The following COPS2 variants were observed in gnomAD, a reference collection of about 807,000 sequenced individuals.
COPS2 encodes COP9 signalosome subunit 2.
Under a neutral mutation model 66.1 loss-of-function variants are expected in COPS2, and 10 were observed. The observed-to-expected ratio is 0.15, with a 90% CI of 0.09 to 0.26. The LOEUF (loss-of-function observed/expected upper bound fraction) is 0.26. Among genes scored for constraint, COPS2 ranks in the 10% least tolerant of loss-of-function variants. COPS2 has a pLI of 1.00. For synonymous variants in COPS2, 179 were observed against 171.3 expected (o/e 1.04, Z -0.35); for missense variants, 215 against 513.3 (o/e 0.42, Z 5.62).
At position 49,126,899 on chromosome 15, in the gene COPS2, T is replaced by C. The variant is rs2084171202; in HGVS notation, c.*1051A>G. The stretch of plus-strand genomic sequence containing the variant: ...ATGTATAATCATAAAGTTTAGTGTG[T>C]GTGACAAATTAACTTTGAATGCAAT... On this transcript the variant is annotated 3_prime_UTR_variant, in exon 13 of 13. Transcript: ENST00000388901. The C allele has an allele frequency of 6.6e-6, 1 of 152,160 alleles. No individual in the cohort carries two copies. Among genetic ancestry groups the C allele is most frequent in the South Asian group, 2.1e-4 (1 of 4,830 alleles). The allele number at this position is 152,160 out of a possible 1,614,324, so 9.4% of individuals were successfully genotyped here.
rs755900262 is a variant in COPS2 at position 49,128,709 on chromosome 15, A to G, written c.1180T>C (p.Leu394=). 1 of 1,604,972 alleles carries G rather than the reference A, an allele frequency of 6.2e-7. No homozygotes were observed. Among genetic ancestry groups the G allele is most frequent in the Non-Finnish European group, 8.5e-7 (1 of 1,173,626 alleles). ...DVESLLVQCI[L]DNTIHGRIDQ... ...AAATAGTAAAGTACTTACTTATCCA[A>G]TATGCACTGCACCAGCAAGCTCTCC... The change falls in exon 12 of 13, where the codon TTG becomes CTG. Residue 394 remains leucine, a synonymous_variant. Transcript: ENST00000388901.
At chr15:49,133,898 A>C (rs557819965) in intron 8 of COPS2, 32 bp downstream of exon 8, 26 of 1,568,122 alleles carry the variant, frequency 1.7e-5, no homozygotes, top group Non-Finnish European at 2.2e-5. Flanking sequence ...CAGATAGCTG[A>C]TAAGAGAAAT....
At chr15:49,136,249 C>T (rs2084250721) in intron 6 of COPS2, among the ~76,000 whole-genome samples, 1 of 151,898 alleles carries the variant, frequency 6.6e-6, no homozygotes, top group South Asian at 2.1e-4. Flanking sequence ...ATATTTAAAG[C>T]AGTATTTCCA....
chr15:49,149,583 G>T (rs2084344689), intron 1 of COPS2, among the ~76,000 whole-genome samples: 1 of 152,272 alleles, frequency 6.6e-6, no homozygotes, highest in Admixed American at 6.5e-5. Flanking sequence ...TGAGTGTTTG[G>T]TGAGTTAAAA....
chr15:49,131,273 T>G (rs978384599), intron 9 of COPS2, among the ~76,000 whole-genome samples: 2 of 152,036 alleles, frequency 1.3e-5, no homozygotes, highest in African/African-American at 4.8e-5. Context: ...ATATCCTCTG[T>G]GTAGGTTATT....
chr15:49,139,346 T>C, intron 4 of COPS2, 182 bp downstream of exon 4: 1 of 508,176 alleles, frequency 2.0e-6, no homozygotes, highest in Non-Finnish European at 3.4e-6. Context: ...AGTTATTACC[T>C]TTTACTATTA....
intron 3 of COPS2, 137 bp downstream of exon 3, chr15:49,144,090 C>T (rs1444518734): frequency 3.0e-6 from 2 of 658,338 alleles, no homozygotes; most frequent in African/African-American, 3.7e-5. Context: ...TTACTATAGT[C>T]CCAACTGCAG....
At chr15:49,146,391 C>T (rs1203707716) in intron 1 of COPS2, among the ~76,000 whole-genome samples, 1 of 151,914 alleles carries the variant, frequency 6.6e-6, no homozygotes, top group Non-Finnish European at 1.5e-5. Flanking sequence ...CTAGGCTTGA[C>T]TACAAAGAAA....
At chr15:49,144,403 C>T in intron 2 of COPS2, 99 bp from the exon 3 acceptor site, 3 of 661,096 alleles carry the variant, frequency 4.5e-6, no homozygotes, top group Non-Finnish European at 7.8e-6. Context: ...ATACTATATG[C>T]ATAAAAAACA....
intron 6 of COPS2, among the ~76,000 whole-genome samples, chr15:49,134,778 T>C (rs1212454307): frequency 6.6e-6 from 1 of 152,220 alleles, no homozygotes; most frequent in Non-Finnish European, 1.5e-5. Context: ...ACAGGGAATA[T>C]ATTCCAAGAC....
At chr15:49,149,967 T>C (rs2084347101) in intron 1 of COPS2, among the ~76,000 whole-genome samples, 1 of 152,136 alleles carries the variant, frequency 6.6e-6, no homozygotes, top group African/African-American at 2.4e-5. Flanking sequence ...TTGTTAACTA[T>C]GGAGTAAATT....
intron 4 of COPS2, 127 bp downstream of exon 4, chr15:49,139,401 A>T: frequency 1.4e-6 from 1 of 727,536 alleles, no homozygotes; most frequent in Non-Finnish European, 2.3e-6. Flanking sequence ...ATCATTTTTA[A>T]AGCATACTAA....
intron 3 of COPS2, among the ~76,000 whole-genome samples, chr15:49,139,948 C>T (rs1393293846): frequency 6.6e-6 from 1 of 152,156 alleles, no homozygotes; most frequent in African/African-American, 2.4e-5. Flanking sequence ...ATAAAACCTA[C>T]TACAATATTC....
intron 1 of COPS2, among the ~76,000 whole-genome samples, chr15:49,148,740 G>A (rs2084338517): frequency 6.6e-6 from 1 of 152,166 alleles, no homozygotes; most frequent in African/African-American, 2.4e-5. Context: ...CCAAGAAGCA[G>A]AATAAGGAGA....
At chr15:49,128,931 T>C (rs2084188710) in intron 11 of COPS2, among the ~76,000 whole-genome samples, 171 bp from the exon 12 acceptor site, 1 of 152,204 alleles carries the variant, frequency 6.6e-6, no homozygotes, top group South Asian at 2.1e-4. Flanking sequence ...ACAGGTATGA[T>C]AAAGACTTAA....
intron 4 of COPS2, chr15:49,139,189 T>C (rs1195754667): frequency 5.6e-6 from 1 of 180,106 alleles, no homozygotes; most frequent in African/African-American, 2.4e-5. Context: ...ATTCAGTGTA[T>C]TTAACACCTC....
chr15:49,137,238 G>A lies in COPS2; in HGVS notation c.463-11C>T. On this transcript the variant is annotated splice_polypyrimidine_tract_variant and intron_variant, in intron 5 of 12. Transcript: ENST00000388901. ...ATATAATTTTCCAAGCTGCAAGAAA[G>A]CAAATTTATTAAAATCAAGATTTCA... The A allele has an allele frequency of 6.3e-7, 1 of 1,583,772 alleles. No homozygotes were observed. The highest frequency in any genetic ancestry group is 8.6e-7 in the Non-Finnish European group (1 of 1,166,930).
Position 49,126,283 on chromosome 15 carries a change from A to G in COPS2, c.*1667T>C, listed in dbSNP as rs1566880254. On this transcript the variant is annotated 3_prime_UTR_variant, in exon 13 of 13. Transcript: ENST00000388901. ...TTGTACCTGTGTTTAATACTGCTTT[A>G]GTCTGCTAAAGACATTAACTGATTG... 6.6e-6 allele frequency: 1 copy of G among 152,466 alleles called. No individual in the cohort carries two copies. Among genetic ancestry groups the G allele is most frequent in the Non-Finnish European group, 1.5e-5 (1 of 67,938 alleles). The allele number at this position is 152,466 out of a possible 1,614,324, so 9.4% of individuals were successfully genotyped here. A position where few individuals can be genotyped will look rare whatever the true frequency, so the allele number is the denominator to read the frequency against.
rs2084154144 is a variant in COPS2, at chr15:49,124,996, T to C, written c.*2954A>G. The C allele has an allele frequency of 6.6e-6, 1 of 152,124 alleles. No homozygotes were observed. The highest frequency in any genetic ancestry group is 1.5e-5 in the Non-Finnish European group (1 of 67,984). 9.4% of individuals were successfully genotyped at this position (152,124 alleles called of 1,614,324 possible). On this transcript the variant is annotated 3_prime_UTR_variant, in exon 13 of 13. Transcript: ENST00000388901. The stretch of plus-strand genomic sequence containing the variant: ...TGTGTTTACTGAAGAACTGTAACTA[T>C]TGATTAAAAAAGAAAATTTCCCACA...
Sources: allele counts gnomAD v4.1 joint callset (sites outside exome capture counted in the v4.1 genomes callset), GRCh38; gene constraint gnomAD v4.1.1; transcripts MANE v1.5; gene names NCBI Gene and HGNC (gene_info 2026-07-23, HGNC 2026-07-21).